Variants in TTC7B observed in about 807,000 individuals in gnomAD.
TTC7B encodes the protein tetratricopeptide repeat protein 7B.
In TTC7B, 28 loss-of-function variants were observed where a neutral mutation model predicts 106.8. The observed-to-expected ratio is 0.26, with a 90% CI of 0.19 to 0.36. The LOEUF is 0.36. Ranked by LOEUF, TTC7B falls within the 10% of genes least tolerant of loss-of-function variation. The pLI is 1.00. For synonymous variants in TTC7B, 405 were observed against 430.6 expected, an observed-to-expected ratio of 0.94 and a Z score of 0.74; for missense variants, 862 against 1,076.4, an observed-to-expected ratio of 0.80 and a Z score of 2.79.
At chr14:90,683,038 C>T (rs899653983) in intron 7 of TTC7B, among the ~76,000 whole-genome samples, 3 of 152,172 alleles carry the variant, frequency 2.0e-5, no homozygotes, top group African/African-American at 7.2e-5. Context: ...AAAATTTCCT[C>T]CGAAAGGTAG....
At chr14:90,719,249 G>C (rs923682894) in intron 5 of TTC7B, among the ~76,000 whole-genome samples, 1 of 152,142 alleles carries the variant, frequency 6.6e-6, no homozygotes, top group Non-Finnish European at 1.5e-5. Flanking sequence ...ACTCCAGCTT[G>C]GGTGACAAAG....
intron 4 of TTC7B, among the ~76,000 whole-genome samples, chr14:90,743,164 T>G (rs1482658010): frequency 6.6e-6 from 1 of 152,230 alleles, no homozygotes; most frequent in Non-Finnish European, 1.5e-5. Context: ...AACATAATTC[T>G]GGCAAGACAG....
Position 90,562,608 on chromosome 14 carries a change from C to T in TTC7B, c.2310+15498G>A, listed in dbSNP as rs187226792. ...CAACCATTCATCTTTTCTGTATCTG[C>T]TTCATCTGTTGGAGGCAAAGGCTAG... On this transcript the variant is annotated intron_variant, in intron 19 of 19. Transcript: ENST00000328459. Among the ~76,000 whole-genome samples the T allele has an allele frequency of 2.0e-3, 306 of 152,362 alleles. 1 individual carries two copies. The highest frequency in any genetic ancestry group is 3.4e-3 in the Middle Eastern group (1 of 294).
At chr14:90,796,144 C>T (rs138305771) in intron 1 of TTC7B, among the ~76,000 whole-genome samples, 2 of 152,274 alleles carry the variant, frequency 1.3e-5, no homozygotes, top group African/African-American at 4.8e-5. Context: ...GTGACCCCGG[C>T]CCACTTAACC....
chr14:90,553,784 G>C (rs937970510), intron 19 of TTC7B, among the ~76,000 whole-genome samples: 2 of 152,206 alleles, frequency 1.3e-5, no homozygotes, highest in Admixed American at 1.3e-4. Flanking sequence ...GCTTAACATA[G>C]CTCCTCGAAG....
chr14:90,800,813 A>G (rs2030216291), intron 1 of TTC7B, among the ~76,000 whole-genome samples: 1 of 151,978 alleles, frequency 6.6e-6, no homozygotes, highest in Non-Finnish European at 1.5e-5. Flanking sequence ...TCCGTCTCAA[A>G]AAAAGGTCAG....
chr14:90,566,881 T>C (rs903556291), intron 19 of TTC7B, among the ~76,000 whole-genome samples: 6 of 152,176 alleles, frequency 3.9e-5, no homozygotes, highest in Admixed American at 2.0e-4. Context: ...ATTCTCTCCT[T>C]TCCCCAGGTG....
intron 1 of TTC7B, among the ~76,000 whole-genome samples, chr14:90,797,612 G>A (rs929402574): frequency 6.6e-6 from 1 of 151,958 alleles, no homozygotes; most frequent in Non-Finnish European, 1.5e-5. Flanking sequence ...TCATGCTGGT[G>A]GGGGTATAAA....
intron 1 of TTC7B, among the ~76,000 whole-genome samples, chr14:90,815,335 T>G (rs2031108884): frequency 6.6e-6 from 1 of 152,168 alleles, no homozygotes; most frequent in African/African-American, 2.4e-5. Context: ...GCAATTTTAT[T>G]TGATTGGGTA....
chr14:90,768,565 G>A (rs1309332613), intron 3 of TTC7B, among the ~76,000 whole-genome samples: 3 of 152,146 alleles, frequency 2.0e-5, no homozygotes, highest in African/African-American at 7.2e-5. Flanking sequence ...TGGGGACACA[G>A]AGCAAACCAT....
intron 3 of TTC7B, among the ~76,000 whole-genome samples, chr14:90,763,745 C>A (rs1479929595): frequency 6.6e-6 from 1 of 152,050 alleles, no homozygotes; most frequent in Non-Finnish European, 1.5e-5. Flanking sequence ...AAAATAGTTT[C>A]ACTTATAATA....
intron 18 of TTC7B, among the ~76,000 whole-genome samples, chr14:90,591,162 G>A (rs1249415048): frequency 6.6e-6 from 1 of 152,132 alleles, no homozygotes; most frequent in Admixed American, 6.5e-5. Context: ...CCAACATGGT[G>A]AAACCCTGTC....
intron 3 of TTC7B, among the ~76,000 whole-genome samples, chr14:90,758,951 G>C (rs974244956): frequency 1.9e-4 from 29 of 152,250 alleles, no homozygotes; most frequent in African/African-American, 6.5e-4. Flanking sequence ...TTTTAATGCT[G>C]TAGTCATTAT....
chr14:90,548,989 G>A (rs111742504), intron 19 of TTC7B, among the ~76,000 whole-genome samples: 7 of 152,194 alleles, frequency 4.6e-5, no homozygotes, highest in South Asian at 4.1e-4. Context: ...TTAGCTGGGC[G>A]TGGTGGCGGG....
intron 5 of TTC7B, among the ~76,000 whole-genome samples, chr14:90,724,173 T>C (rs114573858): frequency 0.021 from 3,225 of 152,246 alleles, 100 homozygotes; most frequent in African/African-American, 0.073. Context: ...ACATGGCCCT[T>C]CCAGCAGAGC....
intron 13 of TTC7B, among the ~76,000 whole-genome samples, 169 bp downstream of exon 13, chr14:90,652,672 A>G (rs1005141496): frequency 6.6e-6 from 1 of 152,190 alleles, no homozygotes; most frequent in Non-Finnish European, 1.5e-5. Context: ...TTGACACAGC[A>G]ACAAGTGATA....
intron 9 of TTC7B, among the ~76,000 whole-genome samples, chr14:90,665,253 A>G (rs1004693812): frequency 2.0e-5 from 3 of 152,242 alleles, no homozygotes; most frequent in African/African-American, 7.2e-5. Flanking sequence ...CCACCTCTCT[A>G]ATCCCAGATA....
chr14:90,774,418 C>T (rs927464258), intron 3 of TTC7B, among the ~76,000 whole-genome samples: 6 of 152,222 alleles, frequency 3.9e-5, no homozygotes, highest in African/African-American at 9.6e-5. Context: ...ATGGCTTGGG[C>T]GGTCAGCGCT....
chr14:90,610,627 T>C (rs987450493), intron 17 of TTC7B, 115 bp downstream of exon 17: 1 of 745,844 alleles, frequency 1.3e-6, no homozygotes, highest in East Asian at 2.5e-5. Flanking sequence ...TTTAAACTAT[T>C]TGTGCAAGAA....
Sources: allele counts gnomAD v4.1 joint callset (sites outside exome capture counted in the v4.1 genomes callset), GRCh38; gene constraint gnomAD v4.1.1; transcripts MANE v1.5; gene names NCBI Gene and HGNC (gene_info 2026-07-23, HGNC 2026-07-21).